Variants in ZNF677 observed in about 807,000 individuals in gnomAD.
ZNF677 encodes the protein zinc finger protein 677, also known as hypothetical protein MGC48625.
In ZNF677, 5 loss-of-function variants were observed where a neutral mutation model predicts 8.1. The observed-to-expected ratio is 0.62, with a 90% confidence interval of 0.32 to 1.29. ZNF677 has a LOEUF of 1.29. ZNF677 is among the 50% of genes most tolerant of loss of function. The pLI, the probability that ZNF677 is intolerant of heterozygous loss-of-function variation, is 0.05. For synonymous variants in ZNF677, 221 were observed against 225.6 expected, an observed-to-expected ratio of 0.98 and a Z score of 0.18; for missense variants, 685 against 685.9, an observed-to-expected ratio of 1.00 and a Z score of 0.01.
intron 4 of ZNF677, chr19:53,241,893 A>G (rs1354245434): frequency 2.5e-6 from 1 of 398,332 alleles, no homozygotes; most frequent in Non-Finnish European, 4.4e-6. Flanking sequence ...CAGCAGAAAG[A>G]GAGGAAATTT....
At chr19:53,240,400 CCA>C in intron 4 of ZNF677, 1 of 152,392 alleles carries the variant, frequency 6.6e-6, no homozygotes, top group East Asian at 1.9e-4. Flanking sequence ...GTGCCCGCCA[CCA>C]CGCCCGGCTT....
intron 3 of ZNF677, among the ~76,000 whole-genome samples, chr19:53,246,487 T>TACACACACACACACAC (rs60644090): frequency 7.1e-6 from 1 of 140,266 alleles, no homozygotes; most frequent in Admixed American, 7.2e-5. Flanking sequence ...AAAGAAAATG[T>TACACACACACACACAC]ACACACACAC....
In ZNF677 at chr19:53,236,960, G is replaced by T; in HGVS notation, c.*12C>A. On this transcript the variant is annotated 3_prime_UTR_variant, in exon 5 of 5. Transcript: ENST00000598513. ...TTTTATATGGTTTCTTTTCACAATG[G>T]AGCCCCTGATGCTAGGTACAGCTTG... 6.6e-7 allele frequency: 1 copy of T among 1,524,654 alleles called. No individual in the cohort carries two copies. The highest frequency in any genetic ancestry group is 1.4e-5 in the South Asian group (1 of 72,716). The allele number at this position is 1,524,654 out of a possible 1,614,324, so 94.4% of individuals were successfully genotyped here. A position where few individuals can be genotyped will look rare whatever the true frequency, so the allele number is the denominator to read the frequency against.
At position 53,237,067 on chromosome 19, in the gene ZNF677, G is replaced by A; in HGVS notation, c.1660C>T (p.Gln554Ter). 1 of 1,612,246 alleles carries A rather than the reference G, an allele frequency of 6.2e-7. No homozygotes were observed. The highest frequency in any genetic ancestry group is 8.5e-7 in the Non-Finnish European group (1 of 1,179,478). Reference sequence around the variant, plus strand: ...TGATGATCTCCAAGGTTTGAACTTTGGAATAAAGCATTACCATGTATATTA... The same window carrying A: ...TGATGATCTCCAAGGTTTGAACTTTAGAATAAAGCATTACCATGTATATTA... ...KHNIHGNALF[Q>*]SSNLGDHQKS... Residue 554 changes from glutamine to a stop codon, truncating the protein, a stop_gained, in exon 5 of 5, where the codon CAA (glutamine) becomes TAA (stop). Transcript: ENST00000598513. LOFTEE classifies it low-confidence loss of function (END_TRUNC).
chr19:53,246,806 T>C (rs114466375), intron 3 of ZNF677, among the ~76,000 whole-genome samples: 192 of 152,274 alleles, frequency 1.3e-3, no homozygotes, highest in African/African-American at 4.5e-3. Context: ...AATAACACAG[T>C]GCTTATAGTT....
At chr19:53,246,365 C>G (rs1042046940) in intron 3 of ZNF677, among the ~76,000 whole-genome samples, 67 of 150,900 alleles carry the variant, frequency 4.4e-4, no homozygotes, top group Non-Finnish European at 8.3e-4. Context: ...GGGTATATAT[C>G]CAAAAGAATT....
chr19:53,248,780 C>G (rs752966338), intron 3 of ZNF677, among the ~76,000 whole-genome samples: 5 of 152,150 alleles, frequency 3.3e-5, no homozygotes, highest in Non-Finnish European at 5.9e-5. Flanking sequence ...CTGTGGATCT[C>G]TATAAGTTTA....
intron 1 of ZNF677, among the ~76,000 whole-genome samples, chr19:53,253,686 C>CAAAA (rs1467746127): frequency 8.8e-5 from 13 of 147,780 alleles, no homozygotes; most frequent in South Asian, 2.3e-4. Flanking sequence ...GACTCCGTCT[C>CAAAA]AAAAAAATAA....
At chr19:53,245,873 G>A (rs1439827947) in intron 3 of ZNF677, among the ~76,000 whole-genome samples, 2 of 151,976 alleles carry the variant, frequency 1.3e-5, no homozygotes, top group African/African-American at 2.4e-5. Flanking sequence ...TTAGCCAGAC[G>A]TGGTGGTGGG....
intron 3 of ZNF677, among the ~76,000 whole-genome samples, chr19:53,244,331 C>A (rs1330090639): frequency 1.3e-5 from 2 of 152,076 alleles, no homozygotes; most frequent in African/African-American, 4.8e-5. Context: ...TCACTGCACC[C>A]CAGTCAGGGA....
At chr19:53,253,579 C>A (rs1044234089) in intron 1 of ZNF677, among the ~76,000 whole-genome samples, 1 of 152,052 alleles carries the variant, frequency 6.6e-6, no homozygotes, top group Non-Finnish European at 1.5e-5. Flanking sequence ...CCCAGCCACT[C>A]GGGAGGCTAA....
At position 53,241,626 on chromosome 19, in the gene ZNF677, C is replaced by T. The variant is rs1337901273; in HGVS notation, c.169+2118G>A. Reference sequence around the variant, plus strand: ...ATATCTAACCAGCGTTGTCACACTGCCCTTGGGAGACACTGGAAACTCCAC... The same window carrying T: ...ATATCTAACCAGCGTTGTCACACTGTCCTTGGGAGACACTGGAAACTCCAC... On this transcript the variant is annotated intron_variant, in intron 4 of 4. Coordinates refer to ENST00000598513, the MANE Select transcript of ZNF677 (RefSeq NM_182609.4). The T allele has an allele frequency of 1.3e-5, 5 of 382,594 alleles. No homozygotes were observed. In the South Asian group the frequency reaches 4.4e-4, roughly 33 times the overall value. The allele number at this position is 382,594 out of a possible 1,614,324, so 23.7% of individuals were successfully genotyped here.
chr19:53,251,088 G>T (rs1362258114), intron 3 of ZNF677, among the ~76,000 whole-genome samples: 1 of 152,194 alleles, frequency 6.6e-6, no homozygotes, highest in Non-Finnish European at 1.5e-5. Context: ...AGCTACAAAT[G>T]TATTATAAAC....
intron 1 of ZNF677, among the ~76,000 whole-genome samples, chr19:53,253,633 G>A (rs891443840): frequency 6.6e-6 from 1 of 152,180 alleles, no homozygotes; most frequent in African/African-American, 2.4e-5. Flanking sequence ...GTTGCAGTGA[G>A]CCGAGATCAA....
intron 3 of ZNF677, among the ~76,000 whole-genome samples, chr19:53,248,873 C>T (rs897446566): frequency 6.6e-6 from 1 of 152,102 alleles, no homozygotes; most frequent in African/African-American, 2.4e-5. Flanking sequence ...CTTATTTCTT[C>T]AAATATTCTT....
chr19:53,241,627 C>T (rs2146939680), intron 4 of ZNF677: 1 of 383,504 alleles, frequency 2.6e-6, no homozygotes, highest in African/African-American at 2.1e-5. Context: ...GTCACACTGC[C>T]CTTGGGAGAC....
chr19:53,239,672 A>T (rs928175347), intron 4 of ZNF677: 4 of 138,678 alleles, frequency 2.9e-5, no homozygotes, highest in African/African-American at 1.1e-4. Context: ...CATAAGAAAC[A>T]TGACAGACAC....
chr19:53,252,468 G>C lies in ZNF677; in HGVS notation c.-56+618C>G, dbSNP rs141269915. Among the ~76,000 whole-genome samples the C allele has an allele frequency of 1.2e-3, 182 of 152,306 alleles. 3 individuals carry two copies. Among genetic ancestry groups the C allele is most frequent in the African/African-American group, 3.9e-3 (161 of 41,554 alleles). ...GAATGTTGAAATGGTGGCCTGGATA[G>C]GGCAGTAGCAAAGGTTTGTCCTTAT... is the stretch of plus-strand genomic sequence containing the variant. On this transcript the variant is annotated intron_variant, in intron 2 of 4. Transcript: ENST00000598513.
At chr19:53,245,739 C>A (rs546299779) in intron 3 of ZNF677, among the ~76,000 whole-genome samples, 5 of 152,152 alleles carry the variant, frequency 3.3e-5, no homozygotes, top group Non-Finnish European at 7.3e-5. Flanking sequence ...ATAGGCCGGG[C>A]GCAGTGGCTC....
Sources: allele counts gnomAD v4.1 joint callset (sites outside exome capture counted in the v4.1 genomes callset), GRCh38; gene constraint gnomAD v4.1.1; transcripts MANE v1.5; gene names NCBI Gene and HGNC (gene_info 2026-07-23, HGNC 2026-07-21).